MYOM1: variants seen among roughly 807,000 people sequenced by gnomAD.
The protein encoded by MYOM1 is myomesin 1.
MYOM1 carries 164 observed loss-of-function variants against 205.3 expected under a neutral mutation model. The observed-to-expected ratio is 0.80, with a 90% CI of 0.70 to 0.91. The LOEUF is 0.91. MYOM1 is among the 40% of genes least tolerant of loss of function. The pLI is 0.00. For missense variants in MYOM1, 2,011 were observed against 2,127.3 expected, an observed-to-expected ratio of 0.95 and a Z score of 1.08; for synonymous variants, 772 against 789.4, an observed-to-expected ratio of 0.98 and a Z score of 0.37.
intron 14 of MYOM1, among the ~76,000 whole-genome samples, chr18:3,136,868 C>G (rs1207976916): frequency 6.6e-6 from 1 of 152,150 alleles, no homozygotes; most frequent in Non-Finnish European, 1.5e-5. Context: ...GCTCAAGGAG[C>G]TTTGTTCACT....
intron 13 of MYOM1, among the ~76,000 whole-genome samples, chr18:3,142,655 C>T (rs1361554582): frequency 1.3e-5 from 2 of 151,984 alleles, no homozygotes; most frequent in African/African-American, 2.4e-5. Context: ...CAGGAGTGTT[C>T]GGGTGAAAGC....
chr18:3,073,769 T>G (rs1009116212), intron 36 of MYOM1, among the ~76,000 whole-genome samples: 7 of 152,208 alleles, frequency 4.6e-5, no homozygotes, highest in Admixed American at 4.6e-4. Flanking sequence ...CACCAGGAAT[T>G]TGCACCTTAT....
chr18:3,207,561 A>C (rs962775654), intron 2 of MYOM1, among the ~76,000 whole-genome samples: 15 of 152,222 alleles, frequency 9.9e-5, no homozygotes, highest in African/African-American at 3.4e-4. Flanking sequence ...AAGTTACCTT[A>C]CTCTTGCTTT....
At chr18:3,176,291 G>C (rs533897965) in intron 5 of MYOM1, among the ~76,000 whole-genome samples, 157 bp from the exon 6 acceptor site, 1 of 152,144 alleles carries the variant, frequency 6.6e-6, no homozygotes, top group South Asian at 2.1e-4. Context: ...ATTGGCTTAC[G>C]TGAAGTGCAC....
At chr18:3,208,525 A>T (rs74552541) in intron 2 of MYOM1, among the ~76,000 whole-genome samples, 2,172 of 149,780 alleles carry the variant, frequency 0.015, 33 homozygotes, top group South Asian at 0.066. Context: ...CCCATCTATT[A>T]AAAAAAAACC....
chr18:3,205,614 G>A (rs1278873621), intron 2 of MYOM1, among the ~76,000 whole-genome samples: 1 of 152,170 alleles, frequency 6.6e-6, no homozygotes, highest in Non-Finnish European at 1.5e-5. Context: ...ATACATTTTT[G>A]TGGGAAGGTA....
intron 37 of MYOM1, 86 bp downstream of exon 37, chr18:3,071,748 G>A (rs1217850735): frequency 7.6e-7 from 1 of 1,314,638 alleles, no homozygotes; most frequent in Non-Finnish European, 1.1e-6. Flanking sequence ...GCTGTTAAGT[G>A]TGCCTTAAAA....
intron 1 of MYOM1, among the ~76,000 whole-genome samples, chr18:3,216,136 T>C (rs1406377481): frequency 6.6e-6 from 1 of 152,090 alleles, no homozygotes; most frequent in African/African-American, 2.4e-5. Flanking sequence ...GGCATGGTGG[T>C]GGGCACCTGT....
chr18:3,238,515 ACTTG>A, the MYOM1 span, among the ~76,000 whole-genome samples: 176 of 152,258 alleles, frequency 1.2e-3, no homozygotes, highest in African/African-American at 4.1e-3. Flanking sequence ...AGTACAGGTG[ACTTG>A]GTGACTTATT....
At chr18:3,089,445 T>A in intron 28 of MYOM1, 92 bp downstream of exon 28, 2 of 963,204 alleles carry the variant, frequency 2.1e-6, no homozygotes, top group Non-Finnish European at 3.1e-6. Context: ...ACATAATCAA[T>A]AATATTCATT....
At chr18:3,207,862 G>A (rs973009630) in intron 2 of MYOM1, among the ~76,000 whole-genome samples, 8 of 152,204 alleles carry the variant, frequency 5.3e-5, no homozygotes, top group African/African-American at 1.7e-4. Context: ...GCCTAGGGAA[G>A]ACTATGCCAT....
chr18:3,214,595 G>A (rs2081233050), intron 2 of MYOM1, among the ~76,000 whole-genome samples: 1 of 152,244 alleles, frequency 6.6e-6, no homozygotes, highest in Non-Finnish European at 1.5e-5. Flanking sequence ...AGGCCCAGGC[G>A]GGTGGAACAC....
Position 3,214,899 on chromosome 18 carries a change from G to A in MYOM1, c.290+35C>T, listed in dbSNP as rs373917720. Reference sequence around the variant, plus strand: ...TTACTCAGAGCACACGCCTCTTCCTGAGGTTGGAAGGTTGGAGGAGGGCGT... The same window carrying A: ...TTACTCAGAGCACACGCCTCTTCCTAAGGTTGGAAGGTTGGAGGAGGGCGT... On this transcript the variant is annotated intron_variant, in intron 2 of 37. Coordinates refer to ENST00000356443, the MANE Select transcript of MYOM1 (RefSeq NM_003803.4). The A allele has an allele frequency of 6.0e-5, 93 of 1,540,030 alleles. No individual in the cohort carries two copies. In the African/African-American group the frequency reaches 1.3e-3, roughly 21 times the overall value.
At chr18:3,083,707 A>G (rs2079115943) in intron 33 of MYOM1, 82 bp downstream of exon 33, 1 of 1,088,084 alleles carries the variant, frequency 9.2e-7, no homozygotes. Context: ...CGGCCTCCCA[A>G]AGTGCTGGGA....
chr18:3,127,306 T>TATATATATATATATATATATA (rs1555620546), intron 18 of MYOM1, among the ~76,000 whole-genome samples: 16 of 36,378 alleles, frequency 4.4e-4, no homozygotes, highest in Admixed American at 1.4e-3. Flanking sequence ...TATATATATA[T>TATATATATATATATATATATA]TTTTTTTTTT....
intron 2 of MYOM1, among the ~76,000 whole-genome samples, chr18:3,200,350 C>T (rs1218015200): frequency 1.3e-5 from 2 of 152,028 alleles, no homozygotes; most frequent in South Asian, 2.1e-4. Flanking sequence ...AAAATGTAAC[C>T]CACACCAATG....
chr18:3,134,163 G>A (rs558999011), intron 16 of MYOM1, among the ~76,000 whole-genome samples: 1 of 152,234 alleles, frequency 6.6e-6, no homozygotes, highest in African/African-American at 2.4e-5. Context: ...GAGATTACAG[G>A]CATGAGCCAC....
chr18:3,232,565 T>C, the MYOM1 span, among the ~76,000 whole-genome samples: 1 of 152,200 alleles, frequency 6.6e-6, no homozygotes, highest in Non-Finnish European at 1.5e-5. Flanking sequence ...AGTGTATACA[T>C]GTATTAAAAT....
At chr18:3,246,760 G>C in the MYOM1 span, 1 of 152,328 alleles carries the variant, frequency 6.6e-6, no homozygotes, top group Admixed American at 6.5e-5. Context: ...AGCCACACTG[G>C]TCACTGTCCC....
Sources: allele counts gnomAD v4.1 joint callset (sites outside exome capture counted in the v4.1 genomes callset), GRCh38; gene constraint gnomAD v4.1.1; transcripts MANE v1.5; gene names NCBI Gene and HGNC (gene_info 2026-07-23, HGNC 2026-07-21).